Variants in SMAP2 observed in about 807,000 individuals in gnomAD.
The protein encoded by SMAP2 is stromal membrane-associated protein 2.
SMAP2 carries 25 observed loss-of-function variants against 56.4 expected under a neutral mutation model. The observed-to-expected ratio is 0.44, with a 90% confidence interval of 0.32 to 0.62. SMAP2 has a LOEUF of 0.62. Among genes scored for constraint, SMAP2 ranks in the 20% least tolerant of loss-of-function variants. The pLI, the probability that SMAP2 is intolerant of heterozygous loss-of-function variation, is 0.04. For missense variants in SMAP2, 388 were observed against 545.6 expected, an observed-to-expected ratio of 0.71 and a Z score of 2.88; for synonymous variants, 157 against 181.7, an observed-to-expected ratio of 0.86 and a Z score of 1.09.
chr1:40,346,523 C>T (rs897610632), intron 1 of SMAP2, among the ~76,000 whole-genome samples: 3 of 151,950 alleles, frequency 2.0e-5, no homozygotes, highest in Non-Finnish European at 2.9e-5. Context: ...GTGTGCACAA[C>T]CACACCTGGC....
At chr1:40,410,937 G>A (rs989642679) in intron 4 of SMAP2, among the ~76,000 whole-genome samples, 3 of 152,072 alleles carry the variant, frequency 2.0e-5, no homozygotes, top group African/African-American at 2.4e-5. Context: ...CACTTCCAGC[G>A]CAGGTCCTAC....
chr1:40,384,974 T>G (rs1644639445), intron 1 of SMAP2, among the ~76,000 whole-genome samples: 1 of 152,202 alleles, frequency 6.6e-6, no homozygotes, highest in Non-Finnish European at 1.5e-5. Flanking sequence ...TACCCCACTC[T>G]TCTGGATCCT....
chr1:40,348,118 G>A (rs1258057506), intron 1 of SMAP2, among the ~76,000 whole-genome samples: 1 of 152,000 alleles, frequency 6.6e-6, no homozygotes, highest in Non-Finnish European at 1.5e-5. Context: ...GCAACATAGC[G>A]TGACCTCATC....
Position 40,406,758 on chromosome 1 carries a change from C to T in SMAP2, c.126C>T (p.Asn42=). ...CAGGGCCGCGATGGGCCTCTTGGAA[C>T]ATTGGTGTGTTCATCTGCATTCGAT... ...QSKGPRWASW[N]IGVFICIRCA... Residue 42 remains asparagine (N), a synonymous_variant, in exon 2 of 10, where the codon AAC becomes AAT. Transcript: ENST00000372718. 1 of 1,613,784 alleles carries T rather than the reference C, an allele frequency of 6.2e-7. No homozygotes were observed. The highest frequency in any genetic ancestry group is 8.5e-7 in the Non-Finnish European group (1 of 1,179,746).
At chr1:40,413,230 T>C in intron 5 of SMAP2, 128 bp downstream of exon 5, 1 of 713,756 alleles carries the variant, frequency 1.4e-6, no homozygotes. Context: ...GTTCTGCATC[T>C]GGATTGGACT....
rs186958708 is a variant in SMAP2, at chr1:40,410,109, G to A, written c.402+274G>A. ...AATTTAAAAATTAGCCAGGCATGGT[G>A]GTATACATGCCTGTAATAACCAGCT... On this transcript the variant is annotated intron_variant, in intron 4 of 9. Transcript: ENST00000372718. Among the ~76,000 whole-genome samples the A allele has an allele frequency of 1.6e-4, 24 of 151,792 alleles. No individual in the cohort carries two copies. The East Asian group carries it at 4.5e-3, about 28-fold the overall frequency.
chr1:40,400,994 T>C (rs1644827991), intron 1 of SMAP2, among the ~76,000 whole-genome samples: 1 of 152,154 alleles, frequency 6.6e-6, no homozygotes, highest in Admixed American at 6.5e-5. Context: ...GCGCGGTGGC[T>C]CACACCTGTA....
At chr1:40,394,853 C>G (rs1248325864) in intron 1 of SMAP2, among the ~76,000 whole-genome samples, 2 of 152,104 alleles carry the variant, frequency 1.3e-5, no homozygotes, top group African/African-American at 4.8e-5. Context: ...CTAGTTGGAA[C>G]AGAGACTCAC....
At chr1:40,406,679 G>A in intron 1 of SMAP2, 57 bp from the exon 2 acceptor site, 1 of 1,550,112 alleles carries the variant, frequency 6.5e-7, no homozygotes, top group Non-Finnish European at 8.8e-7. Context: ...TAATATTGTA[G>A]TTTAGGCCTT....
chr1:40,376,278 A>T (rs1644541104), intron 1 of SMAP2, among the ~76,000 whole-genome samples: 1 of 152,260 alleles, frequency 6.6e-6, no homozygotes, highest in South Asian at 2.1e-4. Flanking sequence ...TTTATTAATA[A>T]GCTTACTGGG....
intron 1 of SMAP2, among the ~76,000 whole-genome samples, chr1:40,349,291 C>T (rs139500751): frequency 2.2e-3 from 338 of 152,044 alleles, no homozygotes; most frequent in African/African-American, 7.4e-3. Context: ...ACGAAGGTAC[C>T]CCCTGTTGAG....
intron 1 of SMAP2, among the ~76,000 whole-genome samples, chr1:40,361,429 G>C (rs1006916880): frequency 6.6e-6 from 1 of 152,158 alleles, no homozygotes; most frequent in Admixed American, 6.6e-5. Flanking sequence ...AGCTGTGGTG[G>C]CTGCAGGAAT....
At chr1:40,421,024 C>T (rs527348439) in intron 9 of SMAP2, among the ~76,000 whole-genome samples, 2 of 147,236 alleles carry the variant, frequency 1.4e-5, no homozygotes, top group African/African-American at 2.5e-5. Context: ...AATGAAATGT[C>T]GTGATAGCTG....
In SMAP2 at chr1:40,404,684, T is replaced by G. The variant is rs184850869; in HGVS notation, c.104-2052T>G. Among the ~76,000 whole-genome samples, 118 of 152,380 alleles carry G rather than the reference T, an allele frequency of 7.7e-4. 1 individual carries two copies. Among genetic ancestry groups the G allele is most frequent in the Non-Finnish European group, 7.3e-5 (5 of 68,040 alleles). On this transcript the variant is annotated intron_variant, in intron 1 of 9. Coordinates refer to ENST00000372718, the MANE Select transcript of SMAP2 (RefSeq NM_022733.3). ...TCTGGAATCTAGAGCAAAGGAAAAG[T>G]GCTTTAAGAAACATGAAATATTAAC...
chr1:40,393,822 G>GGC (rs1449707925), intron 1 of SMAP2, among the ~76,000 whole-genome samples: 1 of 152,102 alleles, frequency 6.6e-6, no homozygotes, highest in Non-Finnish European at 1.5e-5. Flanking sequence ...CTGGGATTAA[G>GGC]GCGTGAGGCA....
intron 1 of SMAP2, among the ~76,000 whole-genome samples, chr1:40,348,381 T>C (rs1644397670): frequency 6.6e-6 from 1 of 152,102 alleles, no homozygotes; most frequent in Non-Finnish European, 1.5e-5. Context: ...ATTAAAAGTC[T>C]TTGCCAACAT....
chr1:40,374,326 C>T lies in SMAP2; in HGVS notation c.103+103C>T. ...CTGAAGCTTAGGCCGCCCAACTCGG[C>T]TTATAAGTGGTAACGCGTGCTGCGC... On this transcript the variant is annotated intron_variant, in intron 1 of 9. Transcript: ENST00000372718. This position sits in a 1 kb window ranked among gnomAD's most constrained non-coding sequence, Gnocchi z 5.9. 3.1e-6 allele frequency: 3 copies of T among 966,844 alleles called. No homozygotes were observed. The highest frequency in any genetic ancestry group is 4.9e-6 in the Non-Finnish European group (3 of 617,620). The allele number at this position is 966,844 out of a possible 1,614,324, so 59.9% of individuals were successfully genotyped here. A position where few individuals can be genotyped will look rare whatever the true frequency, so the allele number is the denominator to read the frequency against.
chr1:40,379,555 C>CTTTTTTTTTTTT (rs35398664), intron 1 of SMAP2, among the ~76,000 whole-genome samples: 1 of 78,112 alleles, frequency 1.3e-5, no homozygotes, highest in South Asian at 5.0e-4. Flanking sequence ...TGTTGTCTCT[C>CTTTTTTTTTTTT]TTTTTTTTTT....
chr1:40,418,285 T>C lies in SMAP2; in HGVS notation c.1164+1189T>C, dbSNP rs568929549. On this transcript the variant is annotated intron_variant, in intron 9 of 9. Transcript: ENST00000372718. Reference sequence around the variant, plus strand: ...CAATTACAAGTTAGCTAAAGAACAATAGATTGAGCTGAAAATATATTCGGC... The same window carrying C: ...CAATTACAAGTTAGCTAAAGAACAACAGATTGAGCTGAAAATATATTCGGC... 4.7e-4 allele frequency among the ~76,000 whole-genome samples: 71 copies of C among 151,986 alleles called. 2 individuals carry two copies. Among genetic ancestry groups the C allele is most frequent in the African/African-American group, 1.5e-3 (62 of 41,444 alleles).
Sources: allele counts gnomAD v4.1 joint callset (sites outside exome capture counted in the v4.1 genomes callset), GRCh38; gene constraint gnomAD v4.1.1; non-coding constraint Gnocchi (gnomAD v3.1); transcripts MANE v1.5; gene names NCBI Gene and HGNC (gene_info 2026-07-23, HGNC 2026-07-21).